Variants in SMC3 observed in about 807,000 individuals in gnomAD.
The protein encoded by SMC3 is structural maintenance of chromosomes 3.
A neutral mutation model predicts 171.8 loss-of-function variants in SMC3; 20 were observed. The observed-to-expected ratio is 0.12, with a 90% confidence interval of 0.08 to 0.17. The LOEUF is 0.17. SMC3 is among the 10% of genes least tolerant of loss of function. The pLI, the probability that SMC3 is intolerant of heterozygous loss-of-function variation, is 1.00. For missense variants in SMC3, 543 were observed against 1,420.4 expected (o/e 0.38, Z 9.93); for synonymous variants, 464 against 451.1 (o/e 1.03, Z -0.36).
Position 110,603,266 on chromosome 10 carries a change from C to T in SMC3, c.3558C>T (p.Phe1186=), listed in dbSNP as rs1564796378. Residue 1186 remains phenylalanine, a synonymous_variant, in exon 28 of 29, where the codon TTC becomes TTT. Transcript: ENST00000361804. ...RPELLESADK[F]YGVKFRNKVS... is the part of the protein sequence containing the mutation. ...AACTGCTTGAGTCAGCTGACAAATTCTATGGTGTAAAGTTCAGAAATAAGG... is the reference window on the plus strand; with the variant it reads ...AACTGCTTGAGTCAGCTGACAAATTTTATGGTGTAAAGTTCAGAAATAAGG... 2 of 1,599,738 alleles carry T rather than the reference C, an allele frequency of 1.3e-6. No individual in the cohort carries two copies. The highest frequency in any genetic ancestry group is 2.2e-5 in the East Asian group (1 of 44,760).
intron 6 of SMC3, 94 bp downstream of exon 6, chr10:110,578,008 C>A: frequency 1.2e-6 from 1 of 829,488 alleles, no homozygotes. Flanking sequence ...GAACTCTTGG[C>A]CTCAAATGAT....
intron 21 of SMC3, 62 bp downstream of exon 21, chr10:110,599,874 T>G: frequency 6.8e-7 from 1 of 1,480,310 alleles, no homozygotes. Context: ...AAAAGGGCCT[T>G]TCTTGCTAAC....
At chr10:110,604,094 CAAAAAAAAAAAAAA>C in intron 28 of SMC3, 123 bp from the exon 29 acceptor site, 2 of 225,288 alleles carry the variant, frequency 8.9e-6, no homozygotes, top group Non-Finnish European at 1.6e-5. Flanking sequence ...GACTCCATCT[CAAAAAAAAAAAAAA>C]AAAAAAAAAC....
At position 110,603,349 on chromosome 10, in the gene SMC3, C is replaced by T. The variant is rs577370646; in HGVS notation, c.3582+59C>T. The T allele has an allele frequency of 1.4e-4, 149 of 1,082,112 alleles. 3 individuals carry two copies. The South Asian group carries it at 1.9e-3, about 14-fold the overall frequency. The allele number at this position is 1,082,112 out of a possible 1,614,324, so 67.0% of individuals were successfully genotyped here. ...TTTATTCAATTATATTTGTTGAATT[C>T]TGATTTTATGTTACTTAAATAGTGA... On this transcript the variant is annotated intron_variant, in intron 28 of 28. Transcript: ENST00000361804.
Position 110,596,384 on chromosome 10 carries a change from T to C in SMC3, c.1964-14T>C, listed in dbSNP as rs373225333. 2.5e-6 allele frequency: 4 copies of C among 1,611,240 alleles called. No homozygotes were observed. Among genetic ancestry groups the C allele is most frequent in the Non-Finnish European group, 3.4e-6 (4 of 1,178,636 alleles). On this transcript the variant is annotated splice_polypyrimidine_tract_variant and intron_variant, in intron 18 of 28. Coordinates refer to ENST00000361804, the MANE Select transcript of SMC3 (RefSeq NM_005445.4). ...AAAAGTTGTACAGACCTATTACATA[T>C]GTTTTGTTTATAGGTGACCAAGTCA...
chr10:110,579,729 T>C (rs1225485821), intron 7 of SMC3, among the ~76,000 whole-genome samples: 1 of 152,206 alleles, frequency 6.6e-6, no homozygotes, highest in African/African-American at 2.4e-5. Flanking sequence ...TGAAAAATAA[T>C]TTTTAAGTGA....
In SMC3 at chr10:110,602,684, C is replaced by T; in HGVS notation, c.3297+19C>T. The T allele has an allele frequency of 6.2e-7, 1 of 1,601,950 alleles. No homozygotes were observed. The highest frequency in any genetic ancestry group is 1.1e-5 in the South Asian group (1 of 90,832). On this transcript the variant is annotated intron_variant, in intron 26 of 28. Coordinates refer to ENST00000361804, the MANE Select transcript of SMC3 (RefSeq NM_005445.4). ...AATTAGGGTAAAATACCTTTATATTCCATTTTCCTCAGAGCATTACCATAA... is the reference window on the plus strand; with the variant it reads ...AATTAGGGTAAAATACCTTTATATTTCATTTTCCTCAGAGCATTACCATAA...
intron 2 of SMC3, among the ~76,000 whole-genome samples, chr10:110,571,129 T>A (rs544688439): frequency 6.6e-6 from 1 of 152,334 alleles, no homozygotes; most frequent in Non-Finnish European, 1.5e-5. Flanking sequence ...TAAGATAAAC[T>A]ATAATCCTTT....
rs759994432 is a variant in SMC3 at position 110,583,929 on chromosome 10, G to A, written c.1058G>A (p.Ser353Asn). ...ELAETEPKFN[S>N]VKEKEERGIA... Reference sequence around the variant, plus strand: ...GCAGAAACAGAACCCAAATTCAACAGTGTGAAAGAGAAAGAAGAACGAGGA... The same window carrying A: ...GCAGAAACAGAACCCAAATTCAACAATGTGAAAGAGAAAGAAGAACGAGGA... Residue 353 changes from serine to asparagine, a missense_variant, in exon 12 of 29, where the codon AGT becomes AAT. Ser to Asn is a conservative substitution (Grantham distance 46). Around this residue, in one of 8 missense-constraint regions of SMC3, gnomAD observed 146 missense variants for 437.9 expected, o/e 0.33. Coordinates refer to ENST00000361804, the MANE Select transcript of SMC3 (RefSeq NM_005445.4). 1 of 1,613,532 alleles carries A rather than the reference G, an allele frequency of 6.2e-7. No homozygotes were observed. Among genetic ancestry groups the A allele is most frequent in the Admixed American group, 1.7e-5 (1 of 59,986 alleles).
intron 6 of SMC3, 46 bp from the exon 7 acceptor site, chr10:110,578,582 G>A (rs374978561): frequency 1.6e-5 from 23 of 1,414,624 alleles, no homozygotes; most frequent in African/African-American, 1.4e-4. Flanking sequence ...GCTTAATGGT[G>A]CTTTAAAATT....
Position 110,569,119 on chromosome 10 carries a change from TAA to T in SMC3, c.91+107_91+108del, listed in dbSNP as rs560304936. Reference sequence around the variant, plus strand: ...GGAGACAGGAATTGTCTTTGAATATTAAGTTATATTTTTCTGCGTGAAATAAC... The same window carrying T: ...GGAGACAGGAATTGTCTTTGAATATTGTTATATTTTTCTGCGTGAAATAAC... On this transcript the variant is annotated intron_variant, in intron 2 of 28. Transcript: ENST00000361804. The T allele has an allele frequency of 2.4e-4, 183 of 767,762 alleles. 1 individual carries two copies. The highest frequency in any genetic ancestry group is 1.9e-3 in the Admixed American group (95 of 49,014). 47.6% of individuals were successfully genotyped at this position (767,762 alleles called of 1,614,324 possible).
At chr10:110,588,459 A>G (rs1291632622) in intron 13 of SMC3, among the ~76,000 whole-genome samples, 1 of 152,242 alleles carries the variant, frequency 6.6e-6, no homozygotes, top group Non-Finnish European at 1.5e-5. Context: ...ATATCTGACA[A>G]TAATTAGTTA....
At position 110,599,536 on chromosome 10, in the gene SMC3, A is replaced by G. The variant is rs186343918; in HGVS notation, c.2269-118A>G. 2.0e-4 allele frequency: 171 copies of G among 835,516 alleles called. 2 individuals carry two copies. The African/African-American group carries it at 2.5e-3, about 12-fold the overall frequency. The allele number at this position is 835,516 out of a possible 1,614,324, so 51.8% of individuals were successfully genotyped here. On this transcript the variant is annotated intron_variant, in intron 20 of 28. Coordinates refer to ENST00000361804, the MANE Select transcript of SMC3 (RefSeq NM_005445.4). ...CTAATTACCAAATTAATAGGCACCT[A>G]ATATTTGAGTTGATATGTCTATATA...
rs201392611 is a variant in SMC3, at chr10:110,590,987, T to C, written c.1671-4T>C. On this transcript the variant is annotated splice_polypyrimidine_tract_variant and splice_region_variant and intron_variant, in intron 16 of 28. Coordinates refer to ENST00000361804, the MANE Select transcript of SMC3 (RefSeq NM_005445.4). The stretch of plus-strand genomic sequence containing the variant: ...AAGATTTGTCTTACTCTGTTTATAT[T>C]TAGGTTATTTTATCACATTGTTGAT... 5.8e-4 allele frequency: 942 copies of C among 1,611,954 alleles called. 12 individuals carry two copies. In the South Asian group the frequency reaches 1.0e-2, roughly 17 times the overall value.
chr10:110,592,893 C>G (rs574381426), intron 17 of SMC3, among the ~76,000 whole-genome samples, 180 bp from the exon 18 acceptor site: 1 of 152,174 alleles, frequency 6.6e-6, no homozygotes, highest in East Asian at 1.9e-4. Context: ...ATTACAAGAG[C>G]AAAATTACCA....
At position 110,585,250 on chromosome 10, in the gene SMC3, G is replaced by A. The variant is rs570135674; in HGVS notation, c.1305+854G>A. On this transcript the variant is annotated intron_variant, in intron 13 of 28. Coordinates refer to ENST00000361804, the MANE Select transcript of SMC3 (RefSeq NM_005445.4). ...CTGCCTCAGCCTCCCAAAGTGCTGG[G>A]GTTACAGGCGTGAGCCACCGTGCCC... Among the ~76,000 whole-genome samples the A allele has an allele frequency of 2.3e-4, 35 of 151,774 alleles. No individual in the cohort carries two copies. In the South Asian group the frequency reaches 4.2e-3, roughly 18 times the overall value.
intron 11 of SMC3, 82 bp downstream of exon 11, chr10:110,583,630 G>A (rs2134726811): frequency 1.4e-6 from 2 of 1,467,098 alleles, no homozygotes. Flanking sequence ...TGTGACTGGT[G>A]TGTGTTGGAA....
intron 2 of SMC3, among the ~76,000 whole-genome samples, chr10:110,572,479 A>G (rs1481190708): frequency 6.6e-6 from 1 of 151,976 alleles, no homozygotes; most frequent in Non-Finnish European, 1.5e-5. Context: ...CTTTTATAAC[A>G]TTGTTATTTT....
At position 110,601,647 on chromosome 10, in the gene SMC3, T is replaced by C. The variant is rs369169661; in HGVS notation, c.2655T>C (p.Asn885=). ...TTCCCCCCATCTTAGATTTGGACAATTCCATTGATAAAACAGAAGCTGGAA... is the reference window on the plus strand; with the variant it reads ...TTCCCCCCATCTTAGATTTGGACAACTCCATTGATAAAACAGAAGCTGGAA... ...DTMARSEDLD[N]SIDKTEAGIK... Residue 885 remains asparagine, a synonymous_variant, in exon 24 of 29, where the codon AAT becomes AAC. Transcript: ENST00000361804. The C allele has an allele frequency of 2.5e-6, 4 of 1,611,902 alleles. No homozygotes were observed. Among genetic ancestry groups the C allele is most frequent in the Non-Finnish European group, 2.5e-6 (3 of 1,179,746 alleles).
Sources: allele counts gnomAD v4.1 joint callset (sites outside exome capture counted in the v4.1 genomes callset), GRCh38; gene constraint gnomAD v4.1.1; regional missense constraint gnomAD v4.1.1; transcripts MANE v1.5; gene names NCBI Gene and HGNC (gene_info 2026-07-23, HGNC 2026-07-21).